The following UVSSA variants were observed in gnomAD, a reference collection of about 807,000 sequenced individuals.
UVSSA encodes the protein UV stimulated scaffold protein A.
In UVSSA, 72 loss-of-function variants were observed where a neutral mutation model predicts 73.9. The observed-to-expected ratio is 0.97, with a 90% CI of 0.81 to 1.19. The LOEUF (loss-of-function observed/expected upper bound fraction) is 1.19, where lower values mean the gene tolerates loss of function less well. UVSSA is among the 50% of genes most tolerant of loss of function. UVSSA has a pLI of 0.00. For missense variants in UVSSA, 1,150 were observed against 965.0 expected (o/e 1.19, Z -2.54); for synonymous variants, 454 against 391.3 (o/e 1.16, Z -1.89).
At chr4:1,394,579 CCGCCTGCT>C (rs1312048172) in exon 14 of UVSSA, 2 of 1,509,102 alleles carry the variant, frequency 1.3e-6, no homozygotes, top group Non-Finnish European at 1.8e-6. Flanking sequence ...TGTGGAGTGC[CCGCCTGCT>C]CATGTGCCCA....
intron 11 of UVSSA, among the ~76,000 whole-genome samples, chr4:1,380,468 G>T (rs1248785096): frequency 6.6e-6 from 1 of 152,200 alleles, no homozygotes; most frequent in Admixed American, 6.5e-5. Flanking sequence ...ATGGCTTGGG[G>T]ACTCTCCAGG....
At chr4:1,385,730 G>A in intron 13 of UVSSA, 138 bp from the exon 14 acceptor site, 2 of 826,566 alleles carry the variant, frequency 2.4e-6, no homozygotes, top group Non-Finnish European at 2.0e-6. Flanking sequence ...TCTGAAGGTG[G>A]CACCCACAGG....
downstream of UVSSA, chr4:1,389,328 A>G (rs1036724485): frequency 7.9e-5 from 12 of 152,084 alleles, no homozygotes; most frequent in African/African-American, 2.7e-4. Flanking sequence ...CCCCAGTAGG[A>G]AGGACCACAG....
At chr4:1,383,495 G>A (rs2109311272) in intron 12 of UVSSA, among the ~76,000 whole-genome samples, 1 of 152,356 alleles carries the variant, frequency 6.6e-6, no homozygotes, top group East Asian at 1.9e-4. Flanking sequence ...TCTCTGGGCT[G>A]CAGGGGCCTG....
chr4:1,385,419 C>T (rs964625189), intron 13 of UVSSA: 1 of 210,280 alleles, frequency 4.8e-6, no homozygotes, highest in Non-Finnish European at 9.7e-6. Flanking sequence ...GGCCCGTGCC[C>T]CCCCTGCTGC....
Position 1,372,694 on chromosome 4 carries a change from G to A in UVSSA, c.1289-2670G>A, listed in dbSNP as rs113062002. Among the ~76,000 whole-genome samples the A allele has an allele frequency of 1.9e-4, 14 of 74,510 alleles. 2 individuals are homozygous for A. Among genetic ancestry groups the A allele is most frequent in the Middle Eastern group, 0.013 (2 of 158 alleles). 48.9% of individuals were successfully genotyped at this position (74,510 alleles called of 152,430 possible). A position where few individuals can be genotyped will look rare whatever the true frequency, so the allele number is the denominator to read the frequency against. ...TCCTCCCGCGTCTCAGGGCACTCAC[G>A]TCCCGCATCTCAGAGCACTCATCTC... On this transcript the variant is annotated intron_variant, in intron 8 of 13. Coordinates refer to ENST00000389851, the MANE Select transcript of UVSSA (RefSeq NM_020894.4).
intron 7 of UVSSA, among the ~76,000 whole-genome samples, chr4:1,360,420 C>G (rs1335106945): frequency 6.6e-6 from 1 of 152,218 alleles, no homozygotes; most frequent in East Asian, 1.9e-4. Flanking sequence ...GGAAAGCAGC[C>G]CCGTGGGGTC....
At chr4:1,393,742 TG>T (rs1470548783) in exon 14 of UVSSA, 1 of 152,882 alleles carries the variant, frequency 6.5e-6, no homozygotes, top group African/African-American at 2.4e-5. Flanking sequence ...TCTTTCTTTG[TG>T]GTCTCATATA....
At chr4:1,370,046 T>C (rs1577345054) in intron 8 of UVSSA, among the ~76,000 whole-genome samples, 1 of 152,340 alleles carries the variant, frequency 6.6e-6, no homozygotes, top group Non-Finnish European at 1.5e-5. Context: ...TTCCACGCGA[T>C]GCGCAAGTGG....
At position 1,366,393 on chromosome 4, in the gene UVSSA, A is replaced by G. The variant is rs1056744668; in HGVS notation, c.1250A>G (p.Tyr417Cys). 2 of 1,613,412 alleles carry G rather than the reference A, an allele frequency of 1.2e-6. No individual in the cohort carries two copies. The highest frequency in any genetic ancestry group is 1.7e-6 in the Non-Finnish European group (2 of 1,179,696). Residue 417 changes from tyrosine (Y) to cysteine (C), a missense_variant, in exon 8 of 14, where the codon TAT (tyrosine) becomes TGT (cysteine). Tyr to Cys is a radical substitution (Grantham distance 194). Transcript: ENST00000389851. ...DFVEVPEKEGYEPHIPDHLRP... is the reference protein window; with the variant it reads ...DFVEVPEKEGCEPHIPDHLRP... Reference sequence around the variant, plus strand: ...GTGGAGGTCCCTGAGAAGGAGGGGTATGAGCCACACATCCCCGACCACTTG... The same window carrying G: ...GTGGAGGTCCCTGAGAAGGAGGGGTGTGAGCCACACATCCCCGACCACTTG...
chr4:1,360,325 G>T (rs1200469269), intron 7 of UVSSA, among the ~76,000 whole-genome samples: 1 of 152,232 alleles, frequency 6.6e-6, no homozygotes, highest in Non-Finnish European at 1.5e-5. Context: ...CCGTCCCTCA[G>T]TACCTGTCTG....
chr4:1,357,086 T>C (rs13105572), intron 7 of UVSSA: 1,421 of 132,694 alleles, frequency 0.011, no homozygotes, highest in African/African-American at 0.043. Context: ...TGAGGGTCCA[T>C]AGAGCAGAGC....
intron 7 of UVSSA, among the ~76,000 whole-genome samples, chr4:1,365,097 G>A (rs1054170335): frequency 6.6e-6 from 1 of 152,254 alleles, no homozygotes; most frequent in African/African-American, 2.4e-5. Context: ...TGGAGCAGTT[G>A]ATGCCCACCG....
chr4:1,375,482 C>G lies in UVSSA; in HGVS notation c.1407C>G (p.Asp469Glu), dbSNP rs752913789. Residue 469 changes from aspartate to glutamate, a missense_variant, in exon 9 of 14, where the codon GAC (aspartate) becomes GAG (glutamate). Transcript: ENST00000389851. ...CTGCTCAGCTGCGGCAGCTCCGGGACCACTTGCCTCCACCCTCATCTGCCA... is the reference window on the plus strand; with the variant it reads ...CTGCTCAGCTGCGGCAGCTCCGGGAGCACTTGCCTCCACCCTCATCTGCCA... Reference protein sequence around the residue: ...SAAAQLRQLRDHLPPPSSASP... With the variant: ...SAAAQLRQLREHLPPPSSASP... 1 of 1,611,466 alleles carries G rather than the reference C, an allele frequency of 6.2e-7. No individual in the cohort carries two copies. The highest frequency in any genetic ancestry group is 2.2e-5 in the East Asian group (1 of 44,874).
At chr4:1,351,653 T>G in intron 3 of UVSSA, 62 bp from the exon 4 acceptor site, 1 of 1,566,284 alleles carries the variant, frequency 6.4e-7, no homozygotes, top group African/African-American at 1.4e-5. Context: ...CCTCCCAAAG[T>G]GCTGGGATTA....
intron 11 of UVSSA, among the ~76,000 whole-genome samples, chr4:1,380,471 T>C (rs1197256130): frequency 6.6e-6 from 1 of 152,168 alleles, no homozygotes; most frequent in Non-Finnish European, 1.5e-5. Context: ...GCTTGGGGAC[T>C]CTCCAGGGGC....
rs776402462 is a variant in UVSSA at position 1,376,022 on chromosome 4, C to G, written c.1434-12C>G. ...AGCAGCACCGTCAGGCTGTCCCACT[C>G]TGCTCCTGTAGCCCCTCCAGAGCGT... On this transcript the variant is annotated splice_polypyrimidine_tract_variant and intron_variant, in intron 9 of 13. Coordinates refer to ENST00000389851, the MANE Select transcript of UVSSA (RefSeq NM_020894.4). The G allele has an allele frequency of 6.3e-7, 1 of 1,585,566 alleles. No individual in the cohort carries two copies. Among genetic ancestry groups the G allele is most frequent in the South Asian group, 1.1e-5 (1 of 87,080 alleles).
chr4:1,348,283 C>A, intron 2 of UVSSA, 94 bp downstream of exon 2: 1 of 946,864 alleles, frequency 1.1e-6, no homozygotes, highest in Non-Finnish European at 1.7e-6. Flanking sequence ...TGGGAGAGAA[C>A]CACCCGAGGG....
intron 7 of UVSSA, among the ~76,000 whole-genome samples, chr4:1,356,020 C>A (rs866545657): frequency 1.3e-5 from 2 of 152,132 alleles, no homozygotes; most frequent in East Asian, 3.8e-4. Flanking sequence ...CCAGCACAGT[C>A]GGGCCTTAGG....
Sources: gnomAD v4.1 joint callset for allele counts (sites outside exome capture counted in the v4.1 genomes callset) on GRCh38, gnomAD v4.1.1 for gene constraint, MANE v1.5 for transcripts, NCBI Gene and HGNC (gene_info 2026-07-23, HGNC 2026-07-21) for gene names.